The following WWC1 variants were observed in gnomAD, a reference collection of about 807,000 sequenced individuals.
WWC1 encodes the protein WW and C2 domain containing 1.
Under a neutral mutation model 138.4 loss-of-function variants are expected in WWC1, and 55 were observed. The ratio of observed to expected loss-of-function variants is 0.40; its 90% CI spans 0.32 to 0.50. WWC1 has a LOEUF of 0.50. Ranked by LOEUF, WWC1 falls within the 20% of genes least tolerant of loss-of-function variation. The probability of loss-of-function intolerance (pLI) is 0.72; values close to 1 mark genes in which losing one functional copy is unlikely to be tolerated. For missense variants in WWC1, 1,226 were observed against 1,420.4 expected (o/e 0.86, Z 2.20); for synonymous variants, 524 against 564.9 (o/e 0.93, Z 1.03).
intron 7 of WWC1, 106 bp downstream of exon 7, chr5:168,408,759 G>T (rs1780004315): frequency 2.0e-6 from 3 of 1,502,816 alleles, no homozygotes; most frequent in Non-Finnish European, 2.7e-6. Context: ...GCTGGCCAGG[G>T]GTTCTCTGCA....
chr5:168,399,025 A>G (rs1334139137), intron 4 of WWC1, among the ~76,000 whole-genome samples: 1 of 152,208 alleles, frequency 6.6e-6, no homozygotes, highest in East Asian at 1.9e-4. Context: ...TCTTGCCACT[A>G]AAGTTACTAA....
intron 20 of WWC1, among the ~76,000 whole-genome samples, chr5:168,463,818 C>T (rs890352861): frequency 1.3e-5 from 2 of 152,270 alleles, no homozygotes; most frequent in Middle Eastern, 3.4e-3. Context: ...GTCATCAGGC[C>T]TCAGCCCCTT....
intron 1 of WWC1, among the ~76,000 whole-genome samples, chr5:168,337,223 T>C (rs1310327616): frequency 1.3e-5 from 2 of 152,216 alleles, no homozygotes; most frequent in Non-Finnish European, 2.9e-5. Context: ...CTGGTACACG[T>C]AGTGGGGAGC....
chr5:168,304,414 G>A (rs1770369116), intron 1 of WWC1, among the ~76,000 whole-genome samples: 1 of 152,150 alleles, frequency 6.6e-6, no homozygotes, highest in South Asian at 2.1e-4. Flanking sequence ...TATTTCTATT[G>A]CTGATATAAA....
intron 15 of WWC1, among the ~76,000 whole-genome samples, chr5:168,439,764 G>A (rs1367283655): frequency 1.3e-5 from 2 of 152,048 alleles, no homozygotes; most frequent in South Asian, 2.1e-4. Flanking sequence ...AGAATTATTC[G>A]GTCGAAGGGT....
intron 3 of WWC1, among the ~76,000 whole-genome samples, chr5:168,392,903 T>C (rs911342544): frequency 2.2e-4 from 33 of 151,922 alleles, no homozygotes; most frequent in Admixed American, 9.8e-4. Context: ...ACAAGGAGTA[T>C]GCATGAAGAA....
intron 1 of WWC1, among the ~76,000 whole-genome samples, chr5:168,302,197 T>A (rs1770149100): frequency 6.6e-6 from 1 of 152,158 alleles, no homozygotes; most frequent in Admixed American, 6.5e-5. Flanking sequence ...TTTTGCGCTG[T>A]TTGAGAGCTG....
intron 1 of WWC1, among the ~76,000 whole-genome samples, chr5:168,362,175 A>G (rs189440025): frequency 2.9e-3 from 447 of 152,348 alleles, no homozygotes; most frequent in Non-Finnish European, 4.4e-3. Context: ...GCATTATCTC[A>G]TGTAAGCTTC....
intron 2 of WWC1, among the ~76,000 whole-genome samples, chr5:168,372,053 T>TTG (rs10595228): frequency 0.056 from 7,948 of 141,284 alleles, 277 homozygotes; most frequent in Middle Eastern, 0.095. Context: ...AAGAGTGTGT[T>TTG]TGTGTGTGTG....
chr5:168,347,246 C>A (rs1181726134), intron 1 of WWC1, among the ~76,000 whole-genome samples: 1 of 152,172 alleles, frequency 6.6e-6, no homozygotes, highest in Non-Finnish European at 1.5e-5. Flanking sequence ...GCCTGGGATG[C>A]CCTGAGTTCT....
rs564503994 is a variant in WWC1, at chr5:168,461,268, G to T, written c.2916+526G>T. On this transcript the variant is annotated intron_variant, in intron 20 of 22. Coordinates refer to ENST00000265293, the MANE Select transcript of WWC1 (RefSeq NM_015238.3). ...AATCGCTTAAACGCAGGAGGCAGAG[G>T]TTGCAGTGAGCTGAGATTGCGCCAC... Among the ~76,000 whole-genome samples the T allele has an allele frequency of 7.5e-4, 113 of 150,690 alleles. 2 individuals carry two copies. The South Asian group carries it at 0.023, about 30-fold the overall frequency.
intron 1 of WWC1, among the ~76,000 whole-genome samples, chr5:168,355,315 GA>G (rs1775310212): frequency 6.6e-6 from 1 of 151,964 alleles, no homozygotes; most frequent in Non-Finnish European, 1.5e-5. Flanking sequence ...CCAACATGTT[GA>G]AACCTCGTCT....
intron 17 of WWC1, 103 bp downstream of exon 17, chr5:168,444,688 G>A: frequency 7.8e-7 from 1 of 1,286,826 alleles, no homozygotes; most frequent in Non-Finnish European, 1.1e-6. Context: ...GGTTCCACTG[G>A]GAAGGCTGAG....
intron 9 of WWC1, among the ~76,000 whole-genome samples, chr5:168,417,617 G>A (rs1780760281): frequency 6.6e-6 from 1 of 152,192 alleles, no homozygotes; most frequent in African/African-American, 2.4e-5. Context: ...AAGGCCTTCT[G>A]TTATTGCCTT....
intron 8 of WWC1, chr5:168,410,209 C>G (rs1561723967): frequency 1.9e-6 from 1 of 540,010 alleles, no homozygotes; most frequent in Non-Finnish European, 3.2e-6. Flanking sequence ...GAGAGTGAAA[C>G]TATGCTTTGA....
intron 1 of WWC1, among the ~76,000 whole-genome samples, chr5:168,311,941 C>T (rs1288367923): frequency 1.3e-5 from 2 of 151,556 alleles, no homozygotes; most frequent in African/African-American, 4.9e-5. Context: ...CCCAGCTACT[C>T]AGAAGGCTGA....
chr5:168,315,048 G>C (rs1439004314), intron 1 of WWC1, among the ~76,000 whole-genome samples: 1 of 152,144 alleles, frequency 6.6e-6, no homozygotes, highest in Non-Finnish European at 1.5e-5. Context: ...TTCATTTCCA[G>C]TTTGTTTGAC....
intron 1 of WWC1, among the ~76,000 whole-genome samples, chr5:168,300,690 A>G (rs892227000): frequency 6.7e-5 from 10 of 150,174 alleles, no homozygotes; most frequent in African/African-American, 2.4e-4. Flanking sequence ...CACCAGGCCA[A>G]CTGCAGCTGC....
rs1755063340 is a variant in WWC1, at chr5:168,444,524, G to A, written c.2464G>A (p.Ala822Thr). 1.3e-6 allele frequency: 2 copies of A among 1,599,634 alleles called. No homozygotes were observed. Among genetic ancestry groups the A allele is most frequent in the African/African-American group, 2.7e-5 (2 of 74,854 alleles). ...TGTGTCTGCTCTGTTGGAACAGACA[G>A]CAGTGGAGCTGGAGAAGAGGCAGGA... is the stretch of plus-strand genomic sequence containing the variant. Reference protein sequence around the residue: ...DAVSALLEQTAVELEKRQEGR... With the variant: ...DAVSALLEQTTVELEKRQEGR... Residue 822 changes from alanine (A) to threonine (T), a missense_variant, in exon 17 of 23, where the codon GCA becomes ACA. Physicochemically the swap from Ala to Thr is moderately conservative, Grantham distance 58. Around this residue, in one of 3 missense-constraint regions of WWC1, gnomAD observed 1,016 missense variants for 1,153.9 expected, o/e 0.88. Transcript: ENST00000265293.
Sources: allele counts gnomAD v4.1 joint callset (sites outside exome capture counted in the v4.1 genomes callset), GRCh38; gene constraint gnomAD v4.1.1; regional missense constraint gnomAD v4.1.1; transcripts MANE v1.5; gene names NCBI Gene and HGNC (gene_info 2026-07-23, HGNC 2026-07-21).